The following TMEM120B variants were observed in gnomAD, a reference collection of about 807,000 sequenced individuals.
The protein encoded by TMEM120B is transmembrane protein 120B.
Under a neutral mutation model 55.5 loss-of-function variants are expected in TMEM120B, and 31 were observed. The ratio of observed to expected loss-of-function variants is 0.56; its 90% CI spans 0.42 to 0.75. The LOEUF (loss-of-function observed/expected upper bound fraction) is 0.75, where lower values mean the gene tolerates loss of function less well. Among genes scored for constraint, TMEM120B ranks in the 30% least tolerant of loss-of-function variants. The pLI is 0.00. For synonymous variants in TMEM120B, 203 were observed against 176.3 expected, an observed-to-expected ratio of 1.15 and a Z score of -1.20; for missense variants, 399 against 425.5, an observed-to-expected ratio of 0.94 and a Z score of 0.55.
At chr12:121,758,103 A>G in intron 5 of TMEM120B, 3 of 967,398 alleles carry the variant, frequency 3.1e-6, no homozygotes, top group Non-Finnish European at 3.7e-6. Flanking sequence ...TGACTCTAAA[A>G]ACAGAAAAAA....
chr12:121,745,133 C>G (rs1321390156), intron 2 of TMEM120B, among the ~76,000 whole-genome samples: 1 of 152,192 alleles, frequency 6.6e-6, no homozygotes, highest in Non-Finnish European at 1.5e-5. Context: ...ACCAAGATCT[C>G]TCCAGGCATT....
intron 1 of TMEM120B, among the ~76,000 whole-genome samples, chr12:121,723,453 G>T (rs1894834375): frequency 6.6e-6 from 1 of 152,214 alleles, no homozygotes; most frequent in South Asian, 2.1e-4. Context: ...CCTGAAAGGG[G>T]AGGAGTCACC....
At chr12:121,717,744 G>A (rs977980710) in intron 1 of TMEM120B, among the ~76,000 whole-genome samples, 1 of 152,104 alleles carries the variant, frequency 6.6e-6, no homozygotes, top group Non-Finnish European at 1.5e-5. Context: ...CACAACCTCC[G>A]CCTTCCAGGT....
chr12:121,739,965 G>A (rs1457298925), intron 1 of TMEM120B, among the ~76,000 whole-genome samples: 1 of 151,752 alleles, frequency 6.6e-6, no homozygotes, highest in Non-Finnish European at 1.5e-5. Flanking sequence ...TTTTAGTAGA[G>A]ATGGGGTTTC....
intron 1 of TMEM120B, among the ~76,000 whole-genome samples, chr12:121,714,835 C>T (rs1447813421): frequency 6.6e-6 from 1 of 151,912 alleles, no homozygotes; most frequent in Non-Finnish European, 1.5e-5. Flanking sequence ...GCTGGGATTA[C>T]AGTAGTGAGC....
At chr12:121,744,561 C>A (rs1873027677) in intron 2 of TMEM120B, among the ~76,000 whole-genome samples, 1 of 152,180 alleles carries the variant, frequency 6.6e-6, no homozygotes. Context: ...TGGAGATGTG[C>A]TTGAGCTCAT....
In TMEM120B at chr12:121,761,902, T is replaced by C. The variant is rs138304641; in HGVS notation, c.551+164T>C. On this transcript the variant is annotated intron_variant, in intron 6 of 11. Transcript: ENST00000449592. ...GAAGGAGGAAAGCTGATGCTGTTGA[T>C]GCGGCAGCTCTTGTTTATGATCAGC... Among the ~76,000 whole-genome samples the C allele has an allele frequency of 2.7e-4, 41 of 152,290 alleles. 1 individual carries two copies. The East Asian group carries it at 6.7e-3, about 25-fold the overall frequency.
chr12:121,774,787 C>A (rs971759212), intron 10 of TMEM120B, 65 bp downstream of exon 10: 43 of 1,550,282 alleles, frequency 2.8e-5, no homozygotes, highest in Non-Finnish European at 3.7e-5. Context: ...AGAAGGTCTT[C>A]AGGCCTTGCC....
At chr12:121,749,050 G>A (rs1873192288) in intron 3 of TMEM120B, among the ~76,000 whole-genome samples, 1 of 152,172 alleles carries the variant, frequency 6.6e-6, no homozygotes, top group Admixed American at 6.6e-5. Context: ...TAACGCTGCT[G>A]AGCACAGTCA....
intron 5 of TMEM120B, among the ~76,000 whole-genome samples, chr12:121,754,429 C>A (rs1158454581): frequency 6.6e-6 from 1 of 152,198 alleles, no homozygotes; most frequent in Non-Finnish European, 1.5e-5. Flanking sequence ...AACTAAGTAC[C>A]ATAGACTGGG....
chr12:121,744,034 C>CTGAAGGAGAG (rs1366930896), intron 2 of TMEM120B, among the ~76,000 whole-genome samples: 1 of 151,492 alleles, frequency 6.6e-6, no homozygotes, highest in East Asian at 1.9e-4. Flanking sequence ...GCCACCCTGG[C>CTGAAGGAGAG]TGAAGGAGAG....
At chr12:121,718,373 G>A (rs997036313) in intron 1 of TMEM120B, among the ~76,000 whole-genome samples, 2 of 152,140 alleles carry the variant, frequency 1.3e-5, no homozygotes, top group African/African-American at 2.4e-5. Context: ...GGCATTGGTC[G>A]CTCGCTCCTG....
chr12:121,766,009 C>T (rs2707068), intron 6 of TMEM120B, among the ~76,000 whole-genome samples: 112,552 of 152,044 alleles, frequency 0.74, 41,972 homozygotes, highest in East Asian at 0.91. Context: ...CAGTCTTTGC[C>T]GAAGTGACCC....
intron 7 of TMEM120B, 31 bp downstream of exon 7, chr12:121,771,003 C>T: frequency 6.2e-7 from 1 of 1,609,932 alleles, no homozygotes; most frequent in Non-Finnish European, 8.5e-7. Flanking sequence ...CCCCTCCAGC[C>T]TCCCAGGGAG....
Position 121,726,144 on chromosome 12 carries a change from G to C in TMEM120B, c.69+13180G>C, listed in dbSNP as rs149585898. Reference sequence around the variant, plus strand: ...AGAGTGACTGCGAAGAGACACCGGGGATCTTATTGGGTGATAGAAGGTTCT... The same window carrying C: ...AGAGTGACTGCGAAGAGACACCGGGCATCTTATTGGGTGATAGAAGGTTCT... On this transcript the variant is annotated intron_variant, in intron 1 of 11. Coordinates refer to ENST00000449592, the MANE Select transcript of TMEM120B (RefSeq NM_001080825.2). Among the ~76,000 whole-genome samples the C allele has an allele frequency of 4.6e-3, 704 of 152,148 alleles. 10 individuals carry two copies. Among genetic ancestry groups the C allele is most frequent in the African/African-American group, 0.016 (678 of 41,524 alleles).
rs114979626 is a variant in TMEM120B, at chr12:121,771,142, C to T, written c.617+170C>T. On this transcript the variant is annotated intron_variant, in intron 7 of 11. Transcript: ENST00000449592. ...CGGGCTGCGCGGGCCCCACCCAGCC[C>T]GTGAGGGGTTCTCCAGGGAATGGTT... Among the ~76,000 whole-genome samples, 1,074 of 152,220 alleles carry T rather than the reference C, an allele frequency of 7.1e-3. 11 individuals carry two copies. The highest frequency in any genetic ancestry group is 0.024 in the African/African-American group (1,003 of 41,518).
chr12:121,759,593 G>A (rs1338380032), intron 5 of TMEM120B, among the ~76,000 whole-genome samples: 5 of 151,766 alleles, frequency 3.3e-5, no homozygotes, highest in African/African-American at 1.2e-4. Flanking sequence ...CAAGAAAATC[G>A]CTTGAACCCA....
intron 1 of TMEM120B, among the ~76,000 whole-genome samples, chr12:121,726,054 A>G (rs547676043): frequency 4.6e-5 from 7 of 151,454 alleles, no homozygotes; most frequent in African/African-American, 1.5e-4. Flanking sequence ...AAAAACAAAA[A>G]AAAAACCACC....
intron 1 of TMEM120B, among the ~76,000 whole-genome samples, chr12:121,713,790 C>T (rs1019725907): frequency 8.5e-5 from 13 of 152,142 alleles, no homozygotes; most frequent in Non-Finnish European, 1.3e-4. Context: ...TGGGGTTGAC[C>T]AAGAGGGACT....
Sources: gnomAD v4.1 joint callset for allele counts (sites outside exome capture counted in the v4.1 genomes callset) on GRCh38, gnomAD v4.1.1 for gene constraint, MANE v1.5 for transcripts, NCBI Gene and HGNC (gene_info 2026-07-23, HGNC 2026-07-21) for gene names.